TLN2: variants seen among roughly 807,000 people sequenced by gnomAD.
TLN2 encodes the protein talin-2.
A neutral mutation model predicts 294.7 loss-of-function variants in TLN2; 118 were observed. That is an observed-to-expected ratio of 0.40 (90% CI 0.34 to 0.47). The LOEUF is 0.47. Ranked by LOEUF, TLN2 falls within the 20% of genes least tolerant of loss-of-function variation. The probability of loss-of-function intolerance (pLI) is 0.84; values close to 1 mark genes in which losing one functional copy is unlikely to be tolerated. For missense variants in TLN2, 3,083 were observed against 3,282.2 expected (o/e 0.94, Z 1.48); for synonymous variants, 1,431 against 1,304.5 (o/e 1.10, Z -2.09).
intron 44 of TLN2, among the ~76,000 whole-genome samples, chr15:62,783,302 G>A (rs1445972968): frequency 2.0e-5 from 3 of 152,234 alleles, no homozygotes; most frequent in Non-Finnish European, 4.4e-5. Context: ...CTGCTTCAGG[G>A]CACCCAGAGA....
At chr15:62,586,099 G>C (rs1431232796) in intron 1 of TLN2, among the ~76,000 whole-genome samples, 3 of 152,186 alleles carry the variant, frequency 2.0e-5, no homozygotes, top group Non-Finnish European at 1.5e-5. Context: ...CTTAACTGCT[G>C]TGCTGTTGCT....
chr15:62,600,002 T>C (rs184520975), intron 2 of TLN2, among the ~76,000 whole-genome samples: 2 of 152,232 alleles, frequency 1.3e-5, no homozygotes, highest in Admixed American at 6.5e-5. Context: ...CTCTGGTAGA[T>C]GACAAATGAG....
rs557368241 is a variant in TLN2 at position 62,614,289 on chromosome 15, T to G, written c.-161-4062T>G. 6.2e-4 allele frequency among the ~76,000 whole-genome samples: 94 copies of G among 152,300 alleles called. 1 individual carries two copies. Among genetic ancestry groups the G allele is most frequent in the Admixed American group, 1.2e-3 (19 of 15,300 alleles). ...TCTTTTGGAACTTGTAGTGATTTAT[T>G]AGGATTTTGGGAGAACGATATGTCC... On this transcript the variant is annotated intron_variant, in intron 2 of 58. Coordinates refer to ENST00000636159, the MANE Select transcript of TLN2 (RefSeq NM_015059.3).
At chr15:62,528,671 T>TTG (rs2040865320) in intron 1 of TLN2, among the ~76,000 whole-genome samples, 1 of 38,752 alleles carries the variant, frequency 2.6e-5, no homozygotes, top group African/African-American at 1.8e-4. Flanking sequence ...CAGAGCTTGC[T>TTG]TTTTTTTTTT....
chr15:62,621,853 C>CACAGAATTGCTAGCTAATTCT (rs1314689380), intron 3 of TLN2, among the ~76,000 whole-genome samples: 1 of 152,182 alleles, frequency 6.6e-6, no homozygotes, highest in African/African-American at 2.4e-5. Context: ...GATTTTTCCT[C>CACAGAATTGCTAGCTAATTCT]ACAGAATTGC....
At chr15:62,510,638 A>G (rs952125239) in intron 1 of TLN2, among the ~76,000 whole-genome samples, 3 of 152,158 alleles carry the variant, frequency 2.0e-5, no homozygotes, top group African/African-American at 4.8e-5. Context: ...TAATTCATGC[A>G]TGGTGATGTT....
At chr15:62,568,299 C>A (rs1185332703) in intron 1 of TLN2, among the ~76,000 whole-genome samples, 3 of 152,184 alleles carry the variant, frequency 2.0e-5, no homozygotes, top group Non-Finnish European at 4.4e-5. Flanking sequence ...GAAGATTTGA[C>A]TCTCCATCGT....
intron 1 of TLN2, among the ~76,000 whole-genome samples, chr15:62,526,663 A>T (rs545153638): frequency 6.6e-6 from 1 of 152,234 alleles, no homozygotes; most frequent in South Asian, 2.1e-4. Context: ...AACAGAAGCA[A>T]ACATTTTAAA....
At chr15:62,670,777 A>G (rs1218250775) in intron 9 of TLN2, among the ~76,000 whole-genome samples, 3 of 152,140 alleles carry the variant, frequency 2.0e-5, no homozygotes, top group Non-Finnish European at 2.9e-5. Context: ...TTTGTGTACA[A>G]GTTTTTGTGT....
intron 1 of TLN2, among the ~76,000 whole-genome samples, chr15:62,485,104 T>C (rs1326929500): frequency 6.6e-6 from 1 of 152,184 alleles, no homozygotes; most frequent in Non-Finnish European, 1.5e-5. Context: ...CCTCCTTTCA[T>C]CTTCACATCT....
chr15:62,708,907 C>T, intron 21 of TLN2, 111 bp downstream of exon 21: 2 of 1,303,488 alleles, frequency 1.5e-6, no homozygotes, highest in Non-Finnish European at 2.1e-6. Flanking sequence ...AGGGCAAGTT[C>T]TCTTCAGTCT....
chr15:62,625,985 C>G (rs1007380118), intron 3 of TLN2, among the ~76,000 whole-genome samples: 7 of 152,188 alleles, frequency 4.6e-5, no homozygotes, highest in African/African-American at 1.7e-4. Context: ...TCCTCAAACA[C>G]TAGGCAGATG....
chr15:62,822,395 G>C (rs896341580), intron 54 of TLN2, among the ~76,000 whole-genome samples: 1 of 152,214 alleles, frequency 6.6e-6, no homozygotes, highest in Non-Finnish European at 1.5e-5. Flanking sequence ...ACTGGCCCCT[G>C]AAGAAAGAAA....
chr15:62,521,111 T>G (rs184263424), intron 1 of TLN2, among the ~76,000 whole-genome samples: 2 of 152,296 alleles, frequency 1.3e-5, no homozygotes, highest in Non-Finnish European at 2.9e-5. Flanking sequence ...TCCCTTGACT[T>G]CTGGGCCAAA....
At chr15:62,822,693 C>A (rs1184460241) in intron 54 of TLN2, among the ~76,000 whole-genome samples, 2 of 152,204 alleles carry the variant, frequency 1.3e-5, no homozygotes, top group Non-Finnish European at 2.9e-5. Flanking sequence ...CTTAGAGCTA[C>A]TCCTCGAAGG....
At chr15:62,714,143 G>T (rs1281695870) in intron 22 of TLN2, among the ~76,000 whole-genome samples, 1 of 147,776 alleles carries the variant, frequency 6.8e-6, no homozygotes, top group African/African-American at 2.5e-5. Context: ...CATAAAAGAT[G>T]AATGCTAATG....
At position 62,799,404 on chromosome 15, in the gene TLN2, A is replaced by G. The variant is rs573897919; in HGVS notation, c.6235-964A>G. ...TGGGAACGCTTAAATGCAGTGCCCAATATTGTGTAATTCCCATCTAGACCT... is the reference window on the plus strand; with the variant it reads ...TGGGAACGCTTAAATGCAGTGCCCAGTATTGTGTAATTCCCATCTAGACCT... On this transcript the variant is annotated intron_variant, in intron 48 of 58. Coordinates refer to ENST00000636159, the MANE Select transcript of TLN2 (RefSeq NM_015059.3). Among the ~76,000 whole-genome samples the G allele has an allele frequency of 1.9e-4, 29 of 152,352 alleles. 2 individuals carry two copies. The East Asian group carries it at 4.0e-3, about 21-fold the overall frequency.
intron 54 of TLN2, among the ~76,000 whole-genome samples, chr15:62,826,586 G>A (rs1216440747): frequency 1.3e-5 from 2 of 152,176 alleles, no homozygotes; most frequent in Non-Finnish European, 2.9e-5. Flanking sequence ...CCCCATCCAT[G>A]GGTCCTCCAG....
chr15:62,496,991 C>T (rs1198076650), intron 1 of TLN2, among the ~76,000 whole-genome samples: 1 of 152,120 alleles, frequency 6.6e-6, no homozygotes, highest in Non-Finnish European at 1.5e-5. Context: ...TGCCTCCCTC[C>T]CCTCAGATGG....
Sources: gnomAD v4.1 joint callset for allele counts (sites outside exome capture counted in the v4.1 genomes callset) on GRCh38, gnomAD v4.1.1 for gene constraint, MANE v1.5 for transcripts, NCBI Gene and HGNC (gene_info 2026-07-23, HGNC 2026-07-21) for gene names.